PDE8B: variants seen among roughly 807,000 people sequenced by gnomAD.
PDE8B encodes high affinity cAMP-specific and IBMX-insensitive 3',5'-cyclic phosphodiesterase 8B.
Under a neutral mutation model 101.3 loss-of-function variants are expected in PDE8B, and 26 were observed. The ratio of observed to expected loss-of-function variants is 0.26; its 90% CI spans 0.19 to 0.36. The LOEUF is 0.36. PDE8B is among the 10% of genes least tolerant of loss of function. The probability of loss-of-function intolerance (pLI) is 1.00; values close to 1 mark genes in which losing one functional copy is unlikely to be tolerated. For synonymous variants in PDE8B, 424 were observed against 429.3 expected (o/e 0.99, Z 0.15); for missense variants, 810 against 1,163.1 (o/e 0.70, Z 4.42).
Position 77,211,941 on chromosome 5 carries a change from C to T in PDE8B, c.339+677C>T, listed in dbSNP as rs1213676063. ...TGTCAGCAGAGCCACCGTGAGGGGA[C>T]GTGGTTTCCAGTGCAGTACAGCTGT... On this transcript the variant is annotated intron_variant, in intron 1 of 21. Coordinates refer to ENST00000264917, the MANE Select transcript of PDE8B (RefSeq NM_003719.5). This position sits in a 1 kb window ranked among gnomAD's most constrained non-coding sequence, Gnocchi z 4.1. Among the ~76,000 whole-genome samples the T allele has an allele frequency of 6.6e-6, 1 of 152,060 alleles. No individual in the cohort carries two copies. Among genetic ancestry groups the T allele is most frequent in the African/African-American group, 2.4e-5 (1 of 41,392 alleles).
intron 1 of PDE8B, among the ~76,000 whole-genome samples, chr5:77,259,068 A>ACACAC (rs1759857973): frequency 2.4e-5 from 1 of 41,138 alleles, no homozygotes; most frequent in Non-Finnish European, 4.8e-5. Flanking sequence ...ACACACACAC[A>ACACAC]CCCCCGCCCC....
rs544191953 is a variant in PDE8B at position 77,410,207 on chromosome 5, G to A, written c.1530+1150G>A. Reference sequence around the variant, plus strand: ...CAGCAGTTGTACTGCAGTGGCAGAGGGACTGCTGCTTGCAGAGCGGGGCTA... The same window carrying A: ...CAGCAGTTGTACTGCAGTGGCAGAGAGACTGCTGCTTGCAGAGCGGGGCTA... On this transcript the variant is annotated intron_variant, in intron 14 of 21. Transcript: ENST00000264917. 1.7e-4 allele frequency among the ~76,000 whole-genome samples: 26 copies of A among 152,376 alleles called. No homozygotes were observed. The Middle Eastern group carries it at 0.01, about 60-fold the overall frequency.
At position 77,412,219 on chromosome 5, in the gene PDE8B, G is replaced by A; in HGVS notation, c.1696G>A (p.Ala566Thr). 1 of 1,614,118 alleles carries A rather than the reference G, an allele frequency of 6.2e-7. No homozygotes were observed. The highest frequency in any genetic ancestry group is 8.5e-7 in the Non-Finnish European group (1 of 1,179,988). ...GGACTTCAACATCTTTGAATTGGAA[G>A]CCATTACGCATAAAAGGTATGTGAC... The part of the protein sequence containing the change: ...SWDFNIFELE[A>T]ITHKRPLVYL... The change falls in exon 16 of 22, where the codon GCC becomes ACC. Residue 566 changes from alanine to threonine, a missense_variant. By Grantham distance (58) the Ala-to-Thr change is moderately conservative. Transcript: ENST00000264917.
chr5:77,224,885 A>G (rs1484678066), intron 1 of PDE8B, among the ~76,000 whole-genome samples: 8 of 152,196 alleles, frequency 5.3e-5, no homozygotes, highest in African/African-American at 9.7e-5. Context: ...TGGTATCATT[A>G]ACCACATTCT....
At chr5:77,337,555 A>G (rs1366866101) in intron 6 of PDE8B, among the ~76,000 whole-genome samples, 2 of 152,226 alleles carry the variant, frequency 1.3e-5, no homozygotes, top group Non-Finnish European at 2.9e-5. Context: ...GAATTTTAAA[A>G]TTGTAACCTG....
chr5:77,364,854 C>T (rs907585364), intron 10 of PDE8B, among the ~76,000 whole-genome samples: 4 of 152,064 alleles, frequency 2.6e-5, no homozygotes, highest in African/African-American at 7.2e-5. Flanking sequence ...AGAGAAAGCA[C>T]GGGGGAGCCT....
chr5:77,227,970 T>C (rs1256127467), intron 1 of PDE8B, among the ~76,000 whole-genome samples: 1 of 152,168 alleles, frequency 6.6e-6, no homozygotes, highest in Non-Finnish European at 1.5e-5. Context: ...CATTTATTAT[T>C]AGTTGCTCTG....
intron 1 of PDE8B, chr5:77,290,548 G>A (rs3797461): frequency 0.12 from 179,669 of 1,481,836 alleles, 12,335 homozygotes; most frequent in East Asian, 0.3. Flanking sequence ...GATGCCTTGT[G>A]GGAGAAGATC....
chr5:77,377,481 C>A (rs1229406780), intron 10 of PDE8B, among the ~76,000 whole-genome samples: 2 of 152,180 alleles, frequency 1.3e-5, no homozygotes, highest in East Asian at 3.9e-4. Flanking sequence ...GATATAAAGA[C>A]CGGCTTAAAA....
the PDE8B span, among the ~76,000 whole-genome samples, chr5:77,190,856 G>A: frequency 6.6e-6 from 1 of 152,184 alleles, no homozygotes; most frequent in Non-Finnish European, 1.5e-5. Flanking sequence ...AATATGATTC[G>A]TAAGGGATGG....
chr5:77,109,317 T>C, the PDE8B span, among the ~76,000 whole-genome samples: 2 of 152,238 alleles, frequency 1.3e-5, no homozygotes, highest in African/African-American at 4.8e-5. Context: ...ACTCTTGTTT[T>C]TGTTGTTTGT....
chr5:77,343,210 TAGTC>T (rs1445171526), intron 6 of PDE8B, among the ~76,000 whole-genome samples: 2 of 152,208 alleles, frequency 1.3e-5, no homozygotes, highest in Non-Finnish European at 2.9e-5. Context: ...TTAACCCTCT[TAGTC>T]TGTTAGGATT....
At chr5:77,305,693 A>G (rs1771039994) in intron 1 of PDE8B, among the ~76,000 whole-genome samples, 1 of 152,234 alleles carries the variant, frequency 6.6e-6, no homozygotes, top group Non-Finnish European at 1.5e-5. Context: ...CCCAGAGCTC[A>G]GACGAATAAA....
chr5:77,269,967 TTCC>T (rs1762466858), intron 1 of PDE8B, among the ~76,000 whole-genome samples: 1 of 152,322 alleles, frequency 6.6e-6, no homozygotes, highest in East Asian at 1.9e-4. Flanking sequence ...TCTTTTGTGA[TTCC>T]ACTTAAATTT....
the PDE8B span, chr5:77,144,994 A>G: frequency 6.6e-6 from 1 of 152,160 alleles, no homozygotes; most frequent in Non-Finnish European, 1.5e-5. Flanking sequence ...CTAAACGACT[A>G]AAAATGAAAA....
chr5:77,357,477 A>AT (rs1229394368), intron 10 of PDE8B, among the ~76,000 whole-genome samples: 4 of 151,956 alleles, frequency 2.6e-5, no homozygotes, highest in Non-Finnish European at 4.4e-5. Context: ...AGCTAGTAAG[A>AT]TTTTTTTTCC....
rs770115784 is a variant in PDE8B, at chr5:77,325,709, C to T, written c.570C>T (p.Phe190=). 23 of 1,612,258 alleles carry T rather than the reference C, an allele frequency of 1.4e-5. No homozygotes were observed. The highest frequency in any genetic ancestry group is 1.6e-4 in the Middle Eastern group (1 of 6,068). Residue 190 remains phenylalanine, a synonymous_variant, in exon 3 of 22, where the codon TTC becomes TTT. Transcript: ENST00000264917. ...TTGATCATAGACAAACTCAGAACTT[C>T]GATGCAGAAGCAGTGTGCAGGTACC... ...IVIDHRQTQN[F]DAEAVCRSIR... is the part of the protein sequence containing the mutation.
intron 10 of PDE8B, among the ~76,000 whole-genome samples, chr5:77,354,792 A>G (rs1232989633): frequency 1.3e-5 from 2 of 151,558 alleles, no homozygotes; most frequent in South Asian, 2.1e-4. Flanking sequence ...AGGGACCCCT[A>G]CTCTCCCTGT....
chr5:77,265,558 A>G (rs1401914650), intron 1 of PDE8B, among the ~76,000 whole-genome samples: 1 of 152,186 alleles, frequency 6.6e-6, no homozygotes, highest in Non-Finnish European at 1.5e-5. Flanking sequence ...GTTGGAGTAT[A>G]AATAATTTTT....
Sources: allele counts gnomAD v4.1 joint callset (sites outside exome capture counted in the v4.1 genomes callset), GRCh38; gene constraint gnomAD v4.1.1; non-coding constraint Gnocchi (gnomAD v3.1); transcripts MANE v1.5; gene names NCBI Gene and HGNC (gene_info 2026-07-23, HGNC 2026-07-21).